GALK1: variants seen among roughly 807,000 people sequenced by gnomAD.
The protein encoded by GALK1 is galactokinase 1, also known as galactokinase.
Under a neutral mutation model 38.6 loss-of-function variants are expected in GALK1, and 30 were observed. The ratio of observed to expected loss-of-function variants is 0.78; its 90% confidence interval spans 0.58 to 1.05. The LOEUF (loss-of-function observed/expected upper bound fraction) is 1.05. GALK1 is among the 50% of genes least tolerant of loss of function. The probability of loss-of-function intolerance (pLI) is 0.00; values close to 1 mark genes in which losing one functional copy is unlikely to be tolerated. For synonymous variants in GALK1, 240 were observed against 233.6 expected (o/e 1.03, Z -0.25); for missense variants, 512 against 540.5 (o/e 0.95, Z 0.52).
downstream of GALK1, chr17:75,756,669 C>T (rs1212821200): frequency 2.5e-6 from 4 of 1,613,298 alleles, no homozygotes; most frequent in South Asian, 4.4e-5. Flanking sequence ...CCACCACCCA[C>T]CCACAGGCTG....
downstream of GALK1, chr17:75,757,497 C>T: frequency 1.2e-6 from 2 of 1,613,152 alleles, no homozygotes; most frequent in Non-Finnish European, 8.5e-7. Flanking sequence ...GTGAGCCGGA[C>T]ACTGACCACC....
At chr17:75,755,946 C>A, downstream of GALK1, 1 of 1,447,314 alleles carries the variant, frequency 6.9e-7, no homozygotes, top group Non-Finnish European at 9.4e-7. Context: ...AGGAACCCAC[C>A]CAAGTCCCTT....
At chr17:75,760,078 G>A (rs758051716) in intron 5 of GALK1, among the ~76,000 whole-genome samples, 17 of 152,206 alleles carry the variant, frequency 1.1e-4, no homozygotes, top group East Asian at 1.9e-4. Context: ...TGTGTAGCAG[G>A]AGCCTTAAGG....
At position 75,763,431 on chromosome 17, in the gene GALK1, G is replaced by A. The variant is rs757414831; in HGVS notation, c.364C>T (p.Leu122Phe). The change falls in exon 3 of 8, where the codon CTC becomes TTC. Residue 122 changes from leucine (L) to phenylalanine (F), a missense_variant. By Grantham distance (22) the Leu-to-Phe change is conservative. Transcript: ENST00000588479. ...ACCACCACTGCACTGAAGCCAGGGA[G>A]GGGGGCAGCTGCAGGGGAAAGAACA... ...GVIQYYPAAP[L>F]PGFSAVVVSS... 14 of 1,601,524 alleles carry A rather than the reference G, an allele frequency of 8.7e-6. No homozygotes were observed. In the Admixed American group the frequency reaches 1.0e-4, roughly 12 times the overall value.
downstream of GALK1, chr17:75,756,518 G>T (rs771612802): frequency 1.2e-6 from 2 of 1,613,214 alleles, no homozygotes; most frequent in East Asian, 2.2e-5. Context: ...CGTGTTCCGC[G>T]TGCGGGCCCA....
rs1213360898 is a variant in GALK1 at position 75,758,498 on chromosome 17, C to T, written c.895G>A (p.Asp299Asn). The T allele has an allele frequency of 4.4e-6, 7 of 1,578,374 alleles. No homozygotes were observed. The highest frequency in any genetic ancestry group is 2.3e-5 in the South Asian group (2 of 86,822). ...AQAAAALRRG[D>N]YRAFGRLMVE... ...ATGAGGCGGCCAAAGGCTCTGTAGTCGCCACGTCTCAGGGCGGCCGCTGCC... is the reference window on the plus strand; with the variant it reads ...ATGAGGCGGCCAAAGGCTCTGTAGTTGCCACGTCTCAGGGCGGCCGCTGCC... The change falls in exon 6 of 8, where the codon GAC (aspartate) becomes AAC (asparagine). Residue 299 changes from aspartate (D) to asparagine (N), a missense_variant. Coordinates refer to ENST00000588479, the MANE Select transcript of GALK1 (RefSeq NM_000154.2).
chr17:75,764,587 C>A, intron 1 of GALK1: 1 of 451,976 alleles, frequency 2.2e-6, no homozygotes, highest in Non-Finnish European at 4.3e-6. Context: ...ACGGGCTGGG[C>A]CAGAAGGCTA....
Position 75,758,038 on chromosome 17 carries a change from T to G in GALK1, c.*18A>C, listed in dbSNP as rs1163102394. On this transcript the variant is annotated 3_prime_UTR_variant, in exon 8 of 8. Transcript: ENST00000588479. The stretch of plus-strand genomic sequence containing the variant: ...CTGCAGGCCCCGCACCCTCACCGTG[T>G]GCTGTCCTGGGGGTGCCTCACAAGC... The G allele has an allele frequency of 1.9e-6, 3 of 1,612,522 alleles. No homozygotes were observed. The South Asian group carries it at 3.3e-5, about 18-fold the overall frequency.
chr17:75,754,694 C>T (rs757015543), downstream of GALK1: 62 of 1,614,034 alleles, frequency 3.8e-5, no homozygotes, highest in Middle Eastern at 9.9e-4. Flanking sequence ...ACGTGCCCCA[C>T]CGCGTGCTAA....
chr17:75,763,080 C>T lies in GALK1; in HGVS notation c.545G>A (p.Cys182Tyr). ...TGAGATGAACTGGTCCATGATGCCA[C>T]AGGGCATCCCTGCGAAGCTGTGCTC... is the stretch of plus-strand genomic sequence containing the variant. ...QAEHSFAGMP[C>Y]GIMDQFISLM... Residue 182 changes from cysteine (C) to tyrosine (Y), a missense_variant, in exon 4 of 8, where the codon TGT (cysteine) becomes TAT (tyrosine). Cys to Tyr is a radical substitution (Grantham distance 194). Coordinates refer to ENST00000588479, the MANE Select transcript of GALK1 (RefSeq NM_000154.2). The T allele has an allele frequency of 1.2e-6, 2 of 1,612,848 alleles. No homozygotes were observed. Among genetic ancestry groups the T allele is most frequent in the Non-Finnish European group, 1.7e-6 (2 of 1,179,986 alleles).
intron 5 of GALK1, 37 bp from the exon 6 acceptor site, chr17:75,758,636 C>T: frequency 6.4e-7 from 1 of 1,561,696 alleles, no homozygotes; most frequent in Non-Finnish European, 8.6e-7. Context: ...CGCCTTCTCA[C>T]TGCCTGGGGC....
chr17:75,761,016 A>G (rs1170967244), intron 5 of GALK1, among the ~76,000 whole-genome samples: 1 of 152,078 alleles, frequency 6.6e-6, no homozygotes, highest in Non-Finnish European at 1.5e-5. Flanking sequence ...AGCCCGACCA[A>G]CATGGTAAAA....
chr17:75,760,606 A>C (rs1229564264), intron 5 of GALK1, among the ~76,000 whole-genome samples: 1 of 151,450 alleles, frequency 6.6e-6, no homozygotes, highest in Admixed American at 6.6e-5. Context: ...TGTCCACTAA[A>C]AATACAAAAA....
At chr17:75,755,731 C>A, downstream of GALK1, 1 of 1,612,900 alleles carries the variant, frequency 6.2e-7, no homozygotes, top group Non-Finnish European at 8.5e-7. Context: ...GTGCCCGACA[C>A]GCCCACCCGC....
At chr17:75,764,738 G>A (rs1335539724) in intron 1 of GALK1, 1 of 626,058 alleles carries the variant, frequency 1.6e-6, no homozygotes, top group Non-Finnish European at 2.8e-6. Flanking sequence ...CCAGAGGGCG[G>A]GCTTGAGCCA....
downstream of GALK1, chr17:75,756,738 A>G (rs368991974): frequency 5.4e-5 from 87 of 1,613,022 alleles, 4 homozygotes; most frequent in East Asian, 3.1e-4. Flanking sequence ...CCAGTGCCCC[A>G]GGCCCGCTGG....
chr17:75,764,537 T>C, intron 1 of GALK1: 2 of 483,536 alleles, frequency 4.1e-6, no homozygotes, highest in Non-Finnish European at 8.2e-6. Flanking sequence ...AGCAGTTCAC[T>C]GGGCCTCTCT....
In GALK1 at chr17:75,765,025, C is replaced by A. The variant is rs1323965313; in HGVS notation, c.112G>T (p.Val38Phe). ...TCCGTGTGTTCCCCGATGAGGTTGA[C>A]GCGGCCCGGCGCTGACACGGCCAGC... Reference protein sequence around the residue: ...PELAVSAPGRVNLIGEHTDYN... With the variant: ...PELAVSAPGRFNLIGEHTDYN... Residue 38 changes from valine to phenylalanine, a missense_variant, in exon 1 of 8, where the codon GTC becomes TTC. Physicochemically the swap from Val to Phe is conservative, Grantham distance 50. Coordinates refer to ENST00000588479, the MANE Select transcript of GALK1 (RefSeq NM_000154.2). 2 of 1,609,790 alleles carry A rather than the reference C, an allele frequency of 1.2e-6. No homozygotes were observed. The highest frequency in any genetic ancestry group is 1.7e-6 in the Non-Finnish European group (2 of 1,178,562).
At chr17:75,752,940 T>C (rs542488567), downstream of GALK1, among the ~76,000 whole-genome samples, 29 of 152,172 alleles carry the variant, frequency 1.9e-4, no homozygotes, top group African/African-American at 7.0e-4. Flanking sequence ...CTGGCAGGGG[T>C]AGGGGAGCCA....
Sources: gnomAD v4.1 joint callset for allele counts (sites outside exome capture counted in the v4.1 genomes callset) on GRCh38, gnomAD v4.1.1 for gene constraint, MANE v1.5 for transcripts, NCBI Gene and HGNC (gene_info 2026-07-23, HGNC 2026-07-21) for gene names.